PAX6: variants seen among roughly 807,000 people sequenced by gnomAD.
The protein encoded by PAX6 is paired box protein Pax-6.
In PAX6, 7 loss-of-function variants were observed where a neutral mutation model predicts 60.7. The ratio of observed to expected loss-of-function variants is 0.12; its 90% CI spans 0.07 to 0.22. The LOEUF is 0.22. Ranked by LOEUF, PAX6 falls within the 10% of genes least tolerant of loss-of-function variation. The pLI is 1.00. For missense variants in PAX6, 355 were observed against 555.2 expected (o/e 0.64, Z 3.62); for synonymous variants, 208 against 201.2 (o/e 1.03, Z -0.29).
At chr11:31,801,229 C>T (rs1407611147) in intron 7 of PAX6, 1 of 1,350,236 alleles carries the variant, frequency 7.4e-7, no homozygotes, top group African/African-American at 1.5e-5. Context: ...ATGTGTGACA[C>T]CTGAAGGAAA....
Position 31,789,488 on chromosome 11 carries a change from A to G in PAX6, c.*446T>C. On this transcript the variant is annotated 3_prime_UTR_variant, in exon 14 of 14. Coordinates refer to ENST00000640368, the MANE Select transcript of PAX6 (RefSeq NM_001368894.2). ...ATACAAACTTGGAACATCAGTCCAT[A>G]AACTATGAACAGATGGGTAGAAGTA... is the stretch of plus-strand genomic sequence containing the variant. 1.8e-6 allele frequency: 1 copy of G among 544,506 alleles called. No individual in the cohort carries two copies. Among genetic ancestry groups the G allele is most frequent in the Non-Finnish European group, 3.2e-6 (1 of 310,900 alleles). 33.7% of individuals were successfully genotyped at this position (544,506 alleles called of 1,614,324 possible).
upstream of PAX6, chr11:31,816,164 C>A (rs1298678573): frequency 6.2e-6 from 1 of 161,290 alleles, no homozygotes; most frequent in Non-Finnish European, 1.3e-5. Flanking sequence ...AGTGACTGTC[C>A]TTCCGCCTCG....
intron 4 of PAX6, 131 bp from the exon 5 acceptor site, chr11:31,802,965 G>C: frequency 1.1e-6 from 1 of 922,718 alleles, no homozygotes; most frequent in Non-Finnish European, 1.7e-6. Context: ...AAGGGGAAGA[G>C]GAAGAAGGAG....
At position 31,816,613 on chromosome 11, in the gene PAX6, C is replaced by G. The variant is rs1806184; in HGVS notation, c.-317+1196G>C. 2,346 of 702,546 alleles carry G rather than the reference C, an allele frequency of 3.3e-3. 44 individuals carry two copies. The African/African-American group carries it at 0.038, about 11-fold the overall frequency. 43.5% of individuals were successfully genotyped at this position (702,546 alleles called of 1,614,324 possible). ...CGCCGCCCAGCTCCAGGGAGAGGAA[C>G]CCGCGGAGGAGAGGATCCCGGCCCA... On this transcript the variant is annotated intron_variant, in intron 1 of 12. Transcript: ENST00000241001.
intron 8 of PAX6, 117 bp downstream of exon 8, chr11:31,800,574 T>C (rs1221298877): frequency 8.1e-7 from 1 of 1,241,134 alleles, no homozygotes; most frequent in African/African-American, 1.5e-5. Flanking sequence ...TCAAATGCAG[T>C]CTCACCCATG....
intron 12 of PAX6, chr11:31,792,834 T>C (rs1950332646): frequency 4.8e-6 from 1 of 207,564 alleles, no homozygotes; most frequent in Non-Finnish European, 9.8e-6. Flanking sequence ...GTCACACCAT[T>C]CACAGCAAAG....
At chr11:31,803,199 G>A in intron 4 of PAX6, 1 of 336,736 alleles carries the variant, frequency 3.0e-6, no homozygotes, top group Non-Finnish European at 5.8e-6. Flanking sequence ...CCTCACTACA[G>A]CCATAACCCC....
chr11:31,796,673 G>A (rs1307862717), intron 8 of PAX6, among the ~76,000 whole-genome samples: 2 of 151,888 alleles, frequency 1.3e-5, no homozygotes, highest in African/African-American at 4.8e-5. Flanking sequence ...AAAAGAGGGC[G>A]ATGGAGGGGA....
intron 9 of PAX6, 46 bp downstream of exon 9, chr11:31,794,584 C>A (rs1372328712): frequency 6.3e-7 from 1 of 1,596,720 alleles, no homozygotes; most frequent in East Asian, 2.2e-5. Context: ...GAAGATGTGG[C>A]ATTTACTTTG....
rs1208754088 is a variant in PAX6, at chr11:31,793,510, T to C, written c.1002A>G (p.Thr334=). The C allele has an allele frequency of 6.2e-7, 1 of 1,614,238 alleles. No homozygotes were observed. The highest frequency in any genetic ancestry group is 2.2e-5 in the East Asian group (1 of 44,888). The part of the protein sequence containing the change: ...TSGSMLGRTD[T]ALTNTYSALP... Reference sequence around the variant, plus strand: ...GAGCGCTGTAGGTGTTTGTGAGGGCTGTGTCTGTTCGGCCCAACATGGAGC... The same window carrying C: ...GAGCGCTGTAGGTGTTTGTGAGGGCCGTGTCTGTTCGGCCCAACATGGAGC... The change falls in exon 12 of 14, where the codon ACA becomes ACG. Residue 334 remains threonine (T), a synonymous_variant. Transcript: ENST00000640368.
chr11:31,798,358 G>A (rs1467515061), intron 8 of PAX6, among the ~76,000 whole-genome samples: 1 of 152,162 alleles, frequency 6.6e-6, no homozygotes, highest in Non-Finnish European at 1.5e-5. Flanking sequence ...GCGTTGATCA[G>A]ATGGAAACCA....
upstream of PAX6, among the ~76,000 whole-genome samples, chr11:31,813,491 C>T (rs1225278767): frequency 1.3e-5 from 2 of 151,830 alleles, no homozygotes; most frequent in East Asian, 1.9e-4. Context: ...AGCTTTGCCT[C>T]GGAAAGAAGC....
chr11:31,815,594 G>C (rs1957341376), upstream of PAX6, among the ~76,000 whole-genome samples: 1 of 152,054 alleles, frequency 6.6e-6, no homozygotes, highest in African/African-American at 2.4e-5. Context: ...AGCGCATCCT[G>C]ACGGGCTTTT....
chr11:31,801,507 A>G, intron 7 of PAX6, 54 bp downstream of exon 7: 12 of 1,613,106 alleles, frequency 7.4e-6, no homozygotes, highest in South Asian at 1.1e-5. Flanking sequence ...GGAGGTAAAG[A>G]GGAGAGAGCA....
chr11:31,794,831 C>G, intron 8 of PAX6, 43 bp from the exon 9 acceptor site: 1 of 1,602,920 alleles, frequency 6.2e-7, no homozygotes, highest in Non-Finnish European at 8.5e-7. Context: ...TTTGGATTAA[C>G]TTGGAGCCTC....
chr11:31,796,900 A>C (rs1951740612), intron 8 of PAX6, among the ~76,000 whole-genome samples: 1 of 152,008 alleles, frequency 6.6e-6, no homozygotes, highest in Admixed American at 6.5e-5. Flanking sequence ...TACTTAGCTG[A>C]GGGAGACGCG....
chr11:31,817,432 A>G (rs1957431617), intron 1 of PAX6, among the ~76,000 whole-genome samples: 1 of 152,196 alleles, frequency 6.6e-6, no homozygotes, highest in African/African-American at 2.4e-5. Context: ...GTGAACTGCG[A>G]TGCAGAGGAG....
At chr11:31,796,543 C>A (rs1258651223) in intron 8 of PAX6, among the ~76,000 whole-genome samples, 1 of 133,038 alleles carries the variant, frequency 7.5e-6, no homozygotes, top group Admixed American at 9.3e-5. Context: ...GGGACCAGGG[C>A]TGGGTTCCTA....
chr11:31,812,302 C>CTCTCTG (rs748835787), upstream of PAX6: 7 of 86,228 alleles, frequency 8.1e-5, no homozygotes, highest in Non-Finnish European at 1.3e-4. Context: ...CTCTCTCTCT[C>CTCTCTG]TGTGTGTGTG....
Sources: allele counts gnomAD v4.1 joint callset (sites outside exome capture counted in the v4.1 genomes callset), GRCh38; gene constraint gnomAD v4.1.1; transcripts MANE v1.5; gene names NCBI Gene and HGNC (gene_info 2026-07-23, HGNC 2026-07-21).